KCNH1: variants seen among roughly 807,000 people sequenced by gnomAD.
KCNH1 encodes the protein voltage-gated delayed rectifier potassium channel KCNH1.
A neutral mutation model predicts 69.2 loss-of-function variants in KCNH1; 27 were observed. The observed-to-expected ratio is 0.39, with a 90% CI of 0.29 to 0.54. KCNH1 has a LOEUF of 0.54. KCNH1 is among the 20% of genes least tolerant of loss of function. The pLI, the probability that KCNH1 is intolerant of heterozygous loss-of-function variation, is 0.68. For missense variants in KCNH1, 798 were observed against 1,261.6 expected (o/e 0.63, Z 5.57); for synonymous variants, 456 against 487.7 (o/e 0.93, Z 0.86).
chr1:210,947,094 G>T (rs1017049286), intron 6 of KCNH1, among the ~76,000 whole-genome samples: 2 of 152,152 alleles, frequency 1.3e-5, no homozygotes, highest in Admixed American at 6.5e-5. Flanking sequence ...CTGTTCTTGT[G>T]CCTGGTGCTA....
chr1:210,802,237 C>T (rs1259943012), intron 8 of KCNH1, among the ~76,000 whole-genome samples: 1 of 152,230 alleles, frequency 6.6e-6, no homozygotes, highest in African/African-American at 2.4e-5. Flanking sequence ...AAGTAATGTT[C>T]AAGTTGAGGA....
In KCNH1 at chr1:210,792,106, GT is replaced by G. The variant is rs555228292; in HGVS notation, c.1915+5401del. ...CTCCACTTCCTCCTCCTCTGGCCCT[GT>G]TGACTTCTCCAGTCACTTTCAGAAA... On this transcript the variant is annotated intron_variant, in intron 9 of 10. Transcript: ENST00000271751. Among the ~76,000 whole-genome samples the G allele has an allele frequency of 3.3e-5, 5 of 152,082 alleles. No homozygotes were observed. In the South Asian group the frequency reaches 1.0e-3, roughly 32 times the overall value.
intron 5 of KCNH1, among the ~76,000 whole-genome samples, chr1:211,060,539 T>C (rs1046074229): frequency 1.5e-5 from 2 of 129,490 alleles, no homozygotes; most frequent in African/African-American, 5.9e-5. Flanking sequence ...AGAAATGAAA[T>C]AAAAGCTGGT....
chr1:210,996,377 C>T (rs563620442), intron 6 of KCNH1, among the ~76,000 whole-genome samples: 2 of 152,196 alleles, frequency 1.3e-5, no homozygotes, highest in Non-Finnish European at 2.9e-5. Context: ...CATGGAGTCT[C>T]GCTCATTGCT....
chr1:211,072,213 T>G (rs534619883), intron 5 of KCNH1, among the ~76,000 whole-genome samples: 1 of 152,270 alleles, frequency 6.6e-6, no homozygotes, highest in South Asian at 2.1e-4. Flanking sequence ...GAGGTGGAGA[T>G]TGCAGTGAGC....
rs1686225909 is a variant in KCNH1, at chr1:210,870,860, A to T, written c.1462+48780T>A. ...AGATCATTCGGCTTAAGGGTACATT[A>T]TCTTCACTTCAACCCATCCTTCTTT... On this transcript the variant is annotated intron_variant, in intron 7 of 10. Coordinates refer to ENST00000271751, the MANE Select transcript of KCNH1 (RefSeq NM_172362.3). 2.6e-5 allele frequency among the ~76,000 whole-genome samples: 4 copies of T among 152,204 alleles called. No homozygotes were observed. In the South Asian group the frequency reaches 8.3e-4, roughly 32 times the overall value.
intron 8 of KCNH1, among the ~76,000 whole-genome samples, chr1:210,801,752 A>G (rs1192260649): frequency 6.6e-6 from 1 of 152,254 alleles, no homozygotes; most frequent in African/African-American, 2.4e-5. Flanking sequence ...AGGAACCCAC[A>G]GAACCTACAG....
intron 3 of KCNH1, among the ~76,000 whole-genome samples, chr1:211,095,677 CCAAG>C (rs1225161794): frequency 6.6e-6 from 1 of 152,196 alleles, no homozygotes; most frequent in Non-Finnish European, 1.5e-5. Flanking sequence ...ATGGAACAGA[CCAAG>C]CCACTGTGAT....
At chr1:210,986,106 C>A (rs181078834) in intron 6 of KCNH1, among the ~76,000 whole-genome samples, 1 of 152,002 alleles carries the variant, frequency 6.6e-6, no homozygotes, top group African/African-American at 2.4e-5. Flanking sequence ...GGATTGCAAC[C>A]CCTGCCTTTT....
At chr1:210,778,510 T>C (rs748225376) in intron 9 of KCNH1, among the ~76,000 whole-genome samples, 1 of 134,532 alleles carries the variant, frequency 7.4e-6, no homozygotes, top group Non-Finnish European at 1.5e-5. Flanking sequence ...CAGCCTGGGC[T>C]ACAGAGCAAG....
At chr1:210,755,785 T>A (rs1683386193) in intron 10 of KCNH1, among the ~76,000 whole-genome samples, 1 of 152,162 alleles carries the variant, frequency 6.6e-6, no homozygotes, top group Non-Finnish European at 1.5e-5. Context: ...AGATCCCCAC[T>A]TTCCTAGGGC....
intron 6 of KCNH1, among the ~76,000 whole-genome samples, chr1:210,964,250 C>T (rs1290674647): frequency 6.6e-6 from 1 of 152,162 alleles, no homozygotes; most frequent in Non-Finnish European, 1.5e-5. Context: ...GAGATTTTGT[C>T]ACCACCAGGC....
At chr1:210,868,564 A>G (rs981474860) in intron 7 of KCNH1, among the ~76,000 whole-genome samples, 1 of 152,068 alleles carries the variant, frequency 6.6e-6, no homozygotes, top group East Asian at 1.9e-4. Flanking sequence ...TTGAGTCTAC[A>G]GTAAAGGGTT....
At chr1:210,934,918 C>T (rs920465704) in intron 6 of KCNH1, among the ~76,000 whole-genome samples, 2 of 151,616 alleles carry the variant, frequency 1.3e-5, no homozygotes, top group African/African-American at 2.4e-5. Flanking sequence ...TCACTGTAGA[C>T]AACAGTAAGG....
At chr1:210,704,954 T>C (rs1017905529) in intron 10 of KCNH1, among the ~76,000 whole-genome samples, 1 of 152,150 alleles carries the variant, frequency 6.6e-6, no homozygotes, top group Admixed American at 6.5e-5. Context: ...CCTTCCCTTC[T>C]CTGGGGTTTG....
At chr1:211,125,341 A>G (rs1691758427) in intron 1 of KCNH1, among the ~76,000 whole-genome samples, 1 of 152,234 alleles carries the variant, frequency 6.6e-6, no homozygotes, top group Non-Finnish European at 1.5e-5. Context: ...ACTATTCAGT[A>G]CCTTGGCCCA....
intron 6 of KCNH1, among the ~76,000 whole-genome samples, chr1:210,944,736 AT>A (rs900983373): frequency 1.3e-5 from 2 of 152,196 alleles, no homozygotes; most frequent in African/African-American, 2.4e-5. Context: ...AGGCTACTGT[AT>A]TTTTTTATTG....
chr1:211,068,070 C>T (rs775762767), intron 5 of KCNH1, among the ~76,000 whole-genome samples: 11 of 152,182 alleles, frequency 7.2e-5, no homozygotes, highest in Non-Finnish European at 1.2e-4. Context: ...GAGGAACAGC[C>T]TAACAAGGAG....
At chr1:210,858,405 G>A (rs745804009) in intron 7 of KCNH1, 1 of 152,186 alleles carries the variant, frequency 6.6e-6, no homozygotes, top group Non-Finnish European at 1.5e-5. Context: ...AGTGGACCAC[G>A]AAGTCACCAG....
Sources: allele counts gnomAD v4.1 joint callset (sites outside exome capture counted in the v4.1 genomes callset), GRCh38; gene constraint gnomAD v4.1.1; transcripts MANE v1.5; gene names NCBI Gene and HGNC (gene_info 2026-07-23, HGNC 2026-07-21).